LYZL2: variants seen among roughly 807,000 people sequenced by gnomAD.
LYZL2 encodes lysozyme-like protein 2.
In LYZL2, 13 loss-of-function variants were observed where a neutral mutation model predicts 17.1. The ratio of observed to expected loss-of-function variants is 0.76; its 90% confidence interval spans 0.49 to 1.21. LYZL2 has a LOEUF of 1.21. Ranked by LOEUF, LYZL2 falls within the 50% of genes most tolerant of loss-of-function variation. The pLI, the probability that LYZL2 is intolerant of heterozygous loss-of-function variation, is 0.00. For synonymous variants in LYZL2, 63 were observed against 74.4 expected (o/e 0.85, Z 0.79); for missense variants, 166 against 189.2 (o/e 0.88, Z 0.72).
At chr10:30,614,060 T>C (rs1291570395) in intron 3 of LYZL2, among the ~76,000 whole-genome samples, 3 of 152,200 alleles carry the variant, frequency 2.0e-5, no homozygotes, top group Non-Finnish European at 2.9e-5. Context: ...TGAATTGAAA[T>C]GTATTAGTTG....
chr10:30,614,399 T>C (rs555282216), intron 3 of LYZL2, among the ~76,000 whole-genome samples: 88 of 152,354 alleles, frequency 5.8e-4, no homozygotes, highest in Non-Finnish European at 1.0e-3. Flanking sequence ...ATGCCAGGTC[T>C]GAATGCCTCT....
At chr10:30,614,105 C>A (rs541314503) in intron 3 of LYZL2, among the ~76,000 whole-genome samples, 8 of 152,312 alleles carry the variant, frequency 5.3e-5, no homozygotes, top group Middle Eastern at 3.4e-3. Context: ...TTAGAAGCGG[C>A]CTCAAAATCC....
chr10:30,623,159 C>G (rs1188695276), intron 3 of LYZL2, among the ~76,000 whole-genome samples: 1 of 152,086 alleles, frequency 6.6e-6, no homozygotes, highest in African/African-American at 2.4e-5. Context: ...ATGGACGAGA[C>G]TGAAAGGTGA....
At chr10:30,623,241 A>C (rs2132947021) in intron 3 of LYZL2, among the ~76,000 whole-genome samples, 1 of 152,376 alleles carries the variant, frequency 6.6e-6, no homozygotes, top group Non-Finnish European at 1.5e-5. Flanking sequence ...ACAAGTAAGA[A>C]AATTAGAAAG....
chr10:30,613,122 T>C (rs2132934496), intron 3 of LYZL2, among the ~76,000 whole-genome samples: 1 of 152,336 alleles, frequency 6.6e-6, no homozygotes, highest in East Asian at 1.9e-4. Context: ...ACCTGACATT[T>C]CAGAGGAAGA....
At chr10:30,623,343 G>A (rs1838654635) in intron 3 of LYZL2, among the ~76,000 whole-genome samples, 1 of 152,108 alleles carries the variant, frequency 6.6e-6, no homozygotes, top group Non-Finnish European at 1.5e-5. Context: ...CACATTTGCT[G>A]TGCTGTAAAA....
At chr10:30,623,030 T>C (rs923857284) in intron 3 of LYZL2, among the ~76,000 whole-genome samples, 1 of 152,228 alleles carries the variant, frequency 6.6e-6, no homozygotes, top group Non-Finnish European at 1.5e-5. Flanking sequence ...AGTAGATTTC[T>C]GGATGAGAAA....
chr10:30,606,260 T>A, the LYZL2 span, among the ~76,000 whole-genome samples: 1 of 152,204 alleles, frequency 6.6e-6, no homozygotes, highest in East Asian at 1.9e-4. Context: ...TAAAATGTAG[T>A]TTATCTTGTC....
At chr10:30,627,846 C>T (rs548270232) in intron 1 of LYZL2, among the ~76,000 whole-genome samples, 1 of 152,280 alleles carries the variant, frequency 6.6e-6, no homozygotes, top group East Asian at 1.9e-4. Context: ...TACACGTGGA[C>T]CTGAATGGAA....
At chr10:30,623,659 C>T (rs1037970515) in intron 3 of LYZL2, among the ~76,000 whole-genome samples, 2 of 152,204 alleles carry the variant, frequency 1.3e-5, no homozygotes, top group African/African-American at 4.8e-5. Flanking sequence ...CCGTCACTGT[C>T]TCCCATCACC....
In LYZL2 at chr10:30,611,886, C is replaced by T. The variant is rs1838450291; in HGVS notation, c.*69G>A. Reference sequence around the variant, plus strand: ...ATTGGGAGGAAACGGGACAAGATGACACAGGCATTTGGACATTCACTGCAA... The same window carrying T: ...ATTGGGAGGAAACGGGACAAGATGATACAGGCATTTGGACATTCACTGCAA... On this transcript the variant is annotated 3_prime_UTR_variant, in exon 5 of 5. Coordinates refer to ENST00000647634, the MANE Select transcript of LYZL2 (RefSeq NM_183058.3). The T allele has an allele frequency of 1.9e-6, 3 of 1,611,406 alleles. No individual in the cohort carries two copies. In the East Asian group the frequency reaches 6.7e-5, roughly 36 times the overall value.
intron 3 of LYZL2, among the ~76,000 whole-genome samples, chr10:30,616,689 C>A (rs1489813724): frequency 1.3e-5 from 2 of 152,180 alleles, no homozygotes; most frequent in Non-Finnish European, 2.9e-5. Context: ...TCAGAACAAC[C>A]ATTTCTATGG....
rs1838718823 is a variant in LYZL2 at position 30,626,851 on chromosome 10, T to C, written c.65A>G (p.Tyr22Cys). The change falls in exon 2 of 5, where the codon TAC becomes TGC. Residue 22 changes from tyrosine (Y) to cysteine (C), a missense_variant. Coordinates refer to ENST00000647634, the MANE Select transcript of LYZL2 (RefSeq NM_183058.3). Reference protein sequence around the residue: ...CLVTGAESKIYTRCKLAKIFS... With the variant: ...CLVTGAESKICTRCKLAKIFS... The stretch of plus-strand genomic sequence containing the variant: ...TATTTTTGCCAGTTTGCAACGAGTG[T>C]AGATTTTGGACTCGGCGCCTGTGAC... The C allele has an allele frequency of 4.3e-6, 7 of 1,614,210 alleles. No individual in the cohort carries two copies. Among genetic ancestry groups the C allele is most frequent in the Non-Finnish European group, 5.9e-6 (7 of 1,180,018 alleles).
intron 1 of LYZL2, among the ~76,000 whole-genome samples, chr10:30,627,422 C>T (rs1415667368): frequency 6.6e-6 from 1 of 151,652 alleles, no homozygotes; most frequent in Non-Finnish European, 1.5e-5. Flanking sequence ...CCTCAGCCTG[C>T]TCAGTGTGAA....
chr10:30,629,667 C>A lies in LYZL2; in HGVS notation c.-100G>T. The A allele has an allele frequency of 3.1e-6, 5 of 1,614,180 alleles. No homozygotes were observed. Among genetic ancestry groups the A allele is most frequent in the Non-Finnish European group, 4.2e-6 (5 of 1,179,992 alleles). On this transcript the variant is annotated 5_prime_UTR_variant, in exon 1 of 5. Coordinates refer to ENST00000647634, the MANE Select transcript of LYZL2 (RefSeq NM_183058.3). The stretch of plus-strand genomic sequence containing the variant: ...AGTCTGCGGAAGAAACACTGCTCCA[C>A]TTAGTCGGTGACAGGCAGCTCAGGG...
At chr10:30,621,472 T>G (rs1838617858) in intron 3 of LYZL2, among the ~76,000 whole-genome samples, 2 of 151,984 alleles carry the variant, frequency 1.3e-5, no homozygotes, top group African/African-American at 4.8e-5. Flanking sequence ...TAGTCCCAGC[T>G]GCTCAGGAGG....
chr10:30,619,070 G>GA (rs1408929059), intron 3 of LYZL2, among the ~76,000 whole-genome samples: 3 of 152,202 alleles, frequency 2.0e-5, no homozygotes, highest in Non-Finnish European at 2.9e-5. Flanking sequence ...ACAGACACAT[G>GA]AAAAAATGCT....
downstream of LYZL2, among the ~76,000 whole-genome samples, chr10:30,609,941 C>T (rs366620): frequency 0.87 from 132,183 of 152,168 alleles, 58,121 homozygotes; most frequent in African/African-American, 0.96. Flanking sequence ...CAAAAAGATA[C>T]ATGAGTCTAA....
At chr10:30,612,727 C>T (rs548490742) in intron 4 of LYZL2, 95 bp downstream of exon 4, 69 of 915,794 alleles carry the variant, frequency 7.5e-5, no homozygotes, top group African/African-American at 1.9e-4. Flanking sequence ...GACCACTCTG[C>T]GGAGGTGAGT....
Sources: gnomAD v4.1 joint callset for allele counts (sites outside exome capture counted in the v4.1 genomes callset) on GRCh38, gnomAD v4.1.1 for gene constraint, MANE v1.5 for transcripts, NCBI Gene and HGNC (gene_info 2026-07-23, HGNC 2026-07-21) for gene names.